BRINP1: variants seen among roughly 807,000 people sequenced by gnomAD.
BRINP1 encodes the protein BMP/retinoic acid inducible neural specific 1.
BRINP1 carries 17 observed loss-of-function variants against 72.9 expected under a neutral mutation model. The observed-to-expected ratio is 0.23, with a 90% CI of 0.16 to 0.35. The LOEUF (loss-of-function observed/expected upper bound fraction) is 0.35, where lower values mean the gene tolerates loss of function less well. Among genes scored for constraint, BRINP1 ranks in the 10% least tolerant of loss-of-function variants. The pLI is 1.00. For synonymous variants in BRINP1, 418 were observed against 378.5 expected, an observed-to-expected ratio of 1.10 and a Z score of -1.21; for missense variants, 850 against 1,001.6, an observed-to-expected ratio of 0.85 and a Z score of 2.04.
intron 2 of BRINP1, among the ~76,000 whole-genome samples, chr9:119,296,819 C>G (rs372135512): frequency 6.6e-6 from 1 of 152,110 alleles, no homozygotes; most frequent in East Asian, 1.9e-4. Flanking sequence ...ATCAAACTTA[C>G]AGAAGCAGAG....
intron 2 of BRINP1, among the ~76,000 whole-genome samples, chr9:119,249,852 AAGGGAGGGAGGGAGGGAGGGAGGGAAGGG>A (rs1830361357): frequency 1.5e-5 from 1 of 65,640 alleles, no homozygotes; most frequent in African/African-American, 8.2e-5. Flanking sequence ...GGAAGGAAGG[AAGGGAGGGAGGGAGGGAGGGAGGGAAGGG>A]AGGAAGGAAG....
intron 2 of BRINP1, among the ~76,000 whole-genome samples, chr9:119,283,672 A>G (rs1183734657): frequency 6.6e-6 from 1 of 152,158 alleles, no homozygotes; most frequent in Non-Finnish European, 1.5e-5. Flanking sequence ...AGCTGGGATT[A>G]CAGGCGTGGG....
At chr9:119,323,086 G>A (rs1449204100) in intron 1 of BRINP1, among the ~76,000 whole-genome samples, 1 of 152,128 alleles carries the variant, frequency 6.6e-6, no homozygotes, top group African/African-American at 2.4e-5. Flanking sequence ...GACTAGGAGT[G>A]GAGTTTGAGT....
chr9:119,258,456 C>T (rs1830466975), intron 2 of BRINP1, among the ~76,000 whole-genome samples: 1 of 152,160 alleles, frequency 6.6e-6, no homozygotes, highest in African/African-American at 2.4e-5. Flanking sequence ...TTAGAATGCA[C>T]TTGTTTTATT....
intron 5 of BRINP1, among the ~76,000 whole-genome samples, chr9:119,226,126 G>T (rs763796384): frequency 1.4e-4 from 21 of 152,066 alleles, no homozygotes; most frequent in Non-Finnish European, 2.5e-4. Flanking sequence ...TATAATAGAG[G>T]CACATTAAAA....
intron 1 of BRINP1, among the ~76,000 whole-genome samples, chr9:119,351,755 A>G (rs955226983): frequency 6.6e-6 from 1 of 152,162 alleles, no homozygotes; most frequent in Non-Finnish European, 1.5e-5. Context: ...AAAGTCAATG[A>G]GCAAAGTCAT....
chr9:119,354,595 C>T (rs771986648), intron 1 of BRINP1, among the ~76,000 whole-genome samples: 3 of 152,194 alleles, frequency 2.0e-5, no homozygotes, highest in Non-Finnish European at 4.4e-5. Context: ...CATGATGGCT[C>T]ACACCTGTAA....
intron 6 of BRINP1, among the ~76,000 whole-genome samples, chr9:119,210,628 C>T (rs1403286436): frequency 6.6e-6 from 1 of 151,980 alleles, no homozygotes; most frequent in African/African-American, 2.4e-5. Context: ...AAAGGGCAAT[C>T]CCGAGGCTCA....
chr9:119,167,022 C>T lies in BRINP1; in HGVS notation c.*62G>A, dbSNP rs1829321551. 1.1e-4 allele frequency: 152 copies of T among 1,434,712 alleles called. No individual in the cohort carries two copies. The highest frequency in any genetic ancestry group is 6.1e-4 in the South Asian group (38 of 61,898). The allele number at this position is 1,434,712 out of a possible 1,614,324, so 88.9% of individuals were successfully genotyped here. A position where few individuals can be genotyped will look rare whatever the true frequency, so the allele number is the denominator to read the frequency against. ...TTGTGGGTTTTTTTGTTTTGTTTTG[C>T]TTCATTTTGTTCTGTTGTGTGTGTA... On this transcript the variant is annotated 3_prime_UTR_variant, in exon 8 of 8. Transcript: ENST00000265922. This position sits in a 1 kb window ranked among gnomAD's most constrained non-coding sequence, Gnocchi z 4.3.
chr9:119,364,640 C>T (rs778842668), intron 1 of BRINP1, among the ~76,000 whole-genome samples: 1 of 152,184 alleles, frequency 6.6e-6, no homozygotes, highest in Non-Finnish European at 1.5e-5. Flanking sequence ...AGAAGGAAGA[C>T]AGTTTCAAAT....
At chr9:119,234,423 C>T (rs1335851146) in intron 5 of BRINP1, among the ~76,000 whole-genome samples, 1 of 148,766 alleles carries the variant, frequency 6.7e-6, no homozygotes, top group Non-Finnish European at 1.5e-5. Context: ...TTGTGAAGTG[C>T]TTGTTCATGT....
At chr9:119,367,430 A>G (rs942062328) in intron 1 of BRINP1, among the ~76,000 whole-genome samples, 4 of 151,686 alleles carry the variant, frequency 2.6e-5, no homozygotes, top group Non-Finnish European at 4.4e-5. Context: ...TGAGAAAGTA[A>G]CAGCTGCCGA....
intron 5 of BRINP1, among the ~76,000 whole-genome samples, chr9:119,214,610 C>A (rs1488886552): frequency 1.3e-5 from 2 of 149,092 alleles, no homozygotes; most frequent in African/African-American, 5.0e-5. Flanking sequence ...AAGACACAAT[C>A]CTTGCCCTTG....
intron 2 of BRINP1, among the ~76,000 whole-genome samples, chr9:119,310,716 CT>C (rs903800448): frequency 6.6e-6 from 1 of 152,044 alleles, no homozygotes; most frequent in African/African-American, 2.4e-5. Flanking sequence ...TCAGGCCTTT[CT>C]TTTTTTATGA....
chr9:119,333,064 A>G (rs1018606020), intron 1 of BRINP1, among the ~76,000 whole-genome samples: 1 of 152,046 alleles, frequency 6.6e-6, no homozygotes, highest in Non-Finnish European at 1.5e-5. Context: ...TTAGGCTCTT[A>G]ATTCACATTA....
intron 7 of BRINP1, among the ~76,000 whole-genome samples, chr9:119,202,667 C>G (rs754936862): frequency 1.3e-5 from 2 of 152,142 alleles, no homozygotes; most frequent in Non-Finnish European, 2.9e-5. Context: ...CAGTCTGACA[C>G]TAGGGTCAGC....
intron 1 of BRINP1, among the ~76,000 whole-genome samples, chr9:119,340,086 T>C (rs1437895022): frequency 2.0e-5 from 3 of 152,190 alleles, no homozygotes; most frequent in African/African-American, 7.2e-5. Flanking sequence ...GGAGGATCCA[T>C]GAGCTGTTCT....
In BRINP1 at chr9:119,318,548, G is replaced by A. The variant is rs957995999; in HGVS notation, c.-50-5143C>T. The stretch of plus-strand genomic sequence containing the variant: ...CTTGTTCAGAGCCTAAAACAAATCC[G>A]TACATGTTGAGTGCAGAACAGTAAC... On this transcript the variant is annotated intron_variant, in intron 1 of 7. Transcript: ENST00000265922. Among the ~76,000 whole-genome samples, 4 of 152,184 alleles carry A rather than the reference G, an allele frequency of 2.6e-5. No individual in the cohort carries two copies. In the South Asian group the frequency reaches 6.2e-4, roughly 24 times the overall value.
At chr9:119,309,294 T>C (rs1425113358) in intron 2 of BRINP1, among the ~76,000 whole-genome samples, 1 of 152,116 alleles carries the variant, frequency 6.6e-6, no homozygotes, top group Admixed American at 6.5e-5. Context: ...CCTGTTAGCA[T>C]TTGGTAATAA....
Sources: allele counts gnomAD v4.1 joint callset (sites outside exome capture counted in the v4.1 genomes callset), GRCh38; gene constraint gnomAD v4.1.1; non-coding constraint Gnocchi (gnomAD v3.1); transcripts MANE v1.5; gene names NCBI Gene and HGNC (gene_info 2026-07-23, HGNC 2026-07-21).